STARD5: variants seen among roughly 807,000 people sequenced by gnomAD.
STARD5 encodes StAR related lipid transfer domain containing 5, also known as stAR-related lipid transfer protein 5.
STARD5 carries 26 observed loss-of-function variants against 24.6 expected under a neutral mutation model. That is an observed-to-expected ratio of 1.06 (90% confidence interval 0.77 to 1.47). STARD5 has a LOEUF of 1.47. STARD5 is among the 40% of genes most tolerant of loss of function. The pLI is 0.00. For synonymous variants in STARD5, 101 were observed against 99.7 expected (o/e 1.01, Z -0.07); for missense variants, 254 against 270.8 (o/e 0.94, Z 0.44).
intron 1 of STARD5, 50 bp downstream of exon 1, chr15:81,323,951 G>A (rs1567057264): frequency 6.5e-7 from 1 of 1,541,672 alleles, no homozygotes; most frequent in Non-Finnish European, 8.8e-7. Flanking sequence ...GGGGACCCGG[G>A]CTCCACGAAG....
intron 3 of STARD5, among the ~76,000 whole-genome samples, chr15:81,320,586 G>A (rs951631898): frequency 6.6e-6 from 1 of 152,124 alleles, no homozygotes; most frequent in African/African-American, 2.4e-5. Context: ...TTAGGAGTGC[G>A]GGCGGCAATA....
chr15:81,313,383 A>T lies in STARD5; in HGVS notation c.515T>A (p.Leu172Gln). ...GAGGTCGGTATGGAAGAATGTGACC[A>T]GGTTGGTCTTGGTGGGTTCCCTGTG... is the stretch of plus-strand genomic sequence containing the variant. ...PLPGEPTKTNLVTFFHTDLSG... is the reference protein window; with the variant it reads ...PLPGEPTKTNQVTFFHTDLSG... Residue 172 changes from leucine (L) to glutamine (Q), a missense_variant, in exon 6 of 6, where the codon CTG becomes CAG. Physicochemically the swap from Leu to Gln is moderately radical, Grantham distance 113. Transcript: ENST00000302824. 6.4e-7 allele frequency: 1 copy of T among 1,564,722 alleles called. No individual in the cohort carries two copies. The highest frequency in any genetic ancestry group is 8.7e-7 in the Non-Finnish European group (1 of 1,154,036).
rs1900751626 is a variant in STARD5, at chr15:81,309,655, G to A, written c.*3601C>T. 6.6e-6 allele frequency: 1 copy of A among 152,208 alleles called. No homozygotes were observed. Among genetic ancestry groups the A allele is most frequent in the African/African-American group, 2.4e-5 (1 of 41,424 alleles). The allele number at this position is 152,208 out of a possible 1,614,324, so 9.4% of individuals were successfully genotyped here. A position where few individuals can be genotyped will look rare whatever the true frequency, so the allele number is the denominator to read the frequency against. On this transcript the variant is annotated 3_prime_UTR_variant, in exon 6 of 6. Transcript: ENST00000302824. The stretch of plus-strand genomic sequence containing the variant: ...AGAAGTAATCCTAGGGAAGGGTGGT[G>A]GAGCCAGTAAACAGAGGAGTACAGG...
intron 4 of STARD5, 150 bp from the exon 5 acceptor site, chr15:81,318,652 C>T: frequency 1.5e-6 from 1 of 653,106 alleles, no homozygotes; most frequent in East Asian, 2.7e-5. Context: ...CCCCTACTCC[C>T]ACCCTACTGC....
chr15:81,313,275 A>T lies in STARD5; in HGVS notation c.623T>A (p.Val208Glu). 6.3e-7 allele frequency: 1 copy of T among 1,575,438 alleles called. No individual in the cohort carries two copies. The highest frequency in any genetic ancestry group is 8.6e-7 in the Non-Finnish European group (1 of 1,161,332). Reference protein sequence around the residue: ...TRFYANLQKAVKQFHE With the variant: ...TRFYANLQKAEKQFHE The stretch of plus-strand genomic sequence containing the variant: ...ATAGCATTACTCATGGAATTGCTTC[A>T]CTGCTTTCTGAAGGTTGGCATAAAA... Residue 208 changes from valine (V) to glutamate (E), a missense_variant, in exon 6 of 6, where the codon GTG becomes GAG. By Grantham distance (121) the Val-to-Glu change is moderately radical. Transcript: ENST00000302824.
Position 81,312,895 on chromosome 15 carries a change from G to A in STARD5, c.*361C>T, listed in dbSNP as rs146506417. On this transcript the variant is annotated 3_prime_UTR_variant, in exon 6 of 6. Transcript: ENST00000302824. ...TCTCTATGACAGTCAGGGAAACGTG[G>A]TCTCTGAGAGTGATGGGCACATAAA... 1.4e-4 allele frequency: 22 copies of A among 158,820 alleles called. No individual in the cohort carries two copies. The highest frequency in any genetic ancestry group is 4.8e-4 in the African/African-American group (20 of 41,842). The allele number at this position is 158,820 out of a possible 1,614,324, so 9.8% of individuals were successfully genotyped here. A position where few individuals can be genotyped will look rare whatever the true frequency, so the allele number is the denominator to read the frequency against.
At position 81,313,144 on chromosome 15, in the gene STARD5, T is replaced by C; in HGVS notation, c.*112A>G. ...CTCAGAGATGCGCAGTCCATCAGCTTGTTCCAAAGAGTGAACACAGGCCTC... is the reference window on the plus strand; with the variant it reads ...CTCAGAGATGCGCAGTCCATCAGCTCGTTCCAAAGAGTGAACACAGGCCTC... On this transcript the variant is annotated 3_prime_UTR_variant, in exon 6 of 6. Coordinates refer to ENST00000302824, the MANE Select transcript of STARD5 (RefSeq NM_181900.3). 7.8e-7 allele frequency: 1 copy of C among 1,282,740 alleles called. No individual in the cohort carries two copies. Among genetic ancestry groups the C allele is most frequent in the Middle Eastern group, 2.1e-4 (1 of 4,700 alleles). 79.5% of individuals were successfully genotyped at this position (1,282,740 alleles called of 1,614,324 possible).
intron 1 of STARD5, chr15:81,323,736 C>T: frequency 1.3e-6 from 1 of 775,914 alleles, no homozygotes; most frequent in East Asian, 2.7e-5. Context: ...AACATCCAGT[C>T]CTAAACAGCA....
In STARD5 at chr15:81,323,050, A is replaced by T. The variant is rs542999137; in HGVS notation, c.100-102T>A. 1.5e-5 allele frequency: 19 copies of T among 1,295,988 alleles called. No homozygotes were observed. The East Asian group carries it at 4.6e-4, about 31-fold the overall frequency. 80.3% of individuals were successfully genotyped at this position (1,295,988 alleles called of 1,614,324 possible). On this transcript the variant is annotated intron_variant, in intron 1 of 5. Transcript: ENST00000302824. ...GAAGAGGGGTAAGAGGCCTCAAGAGATACGACTCTCCAAGGCTGTGCAACC... is the reference window on the plus strand; with the variant it reads ...GAAGAGGGGTAAGAGGCCTCAAGAGTTACGACTCTCCAAGGCTGTGCAACC...
rs778475073 is a variant in STARD5, at chr15:81,313,240, A to C, written c.*16T>G. ...GATGAGTCACGGGAGTTCTTTGCCA[A>C]GAAGTAACGATAGCATTACTCATGG... On this transcript the variant is annotated 3_prime_UTR_variant, in exon 6 of 6. Coordinates refer to ENST00000302824, the MANE Select transcript of STARD5 (RefSeq NM_181900.3). The C allele has an allele frequency of 1.3e-6, 2 of 1,531,984 alleles. No homozygotes were observed. The highest frequency in any genetic ancestry group is 2.5e-5 in the South Asian group (2 of 79,488). The allele number at this position is 1,531,984 out of a possible 1,614,324, so 94.9% of individuals were successfully genotyped here.
At position 81,310,212 on chromosome 15, in the gene STARD5, T is replaced by C. The variant is rs1453865617; in HGVS notation, c.*3044A>G. On this transcript the variant is annotated 3_prime_UTR_variant, in exon 6 of 6. Transcript: ENST00000302824. ...AAGGACACAGATGAAACACAAACAA[T>C]AGTAATTCTCAGGCCATCATCAGTG... 6.6e-6 allele frequency: 1 copy of C among 152,266 alleles called. No homozygotes were observed. Among genetic ancestry groups the C allele is most frequent in the Non-Finnish European group, 1.5e-5 (1 of 68,028 alleles). 9.4% of individuals were successfully genotyped at this position (152,266 alleles called of 1,614,324 possible). A position where few individuals can be genotyped will look rare whatever the true frequency, so the allele number is the denominator to read the frequency against.
intron 3 of STARD5, among the ~76,000 whole-genome samples, chr15:81,322,193 GTTT>G (rs1893303020): frequency 6.6e-6 from 1 of 152,232 alleles, no homozygotes; most frequent in Non-Finnish European, 1.5e-5. Context: ...CAGAGACTCT[GTTT>G]GGGGCTTCTC....
chr15:81,313,934 T>C (rs577761337), intron 5 of STARD5: 1 of 152,250 alleles, frequency 6.6e-6, no homozygotes, highest in Non-Finnish European at 1.5e-5. Flanking sequence ...CACAAGCAGG[T>C]ATGAGTTTCT....
In STARD5 at chr15:81,323,294, C is replaced by T. The variant is rs145961703; in HGVS notation, c.100-346G>A. On this transcript the variant is annotated intron_variant, in intron 1 of 5. Transcript: ENST00000302824. ...CTACTCCCATGCTACCCTCTGGCAACGACAAAGAGAGGGGTTCATGCTGTA... is the reference window on the plus strand; with the variant it reads ...CTACTCCCATGCTACCCTCTGGCAATGACAAAGAGAGGGGTTCATGCTGTA... 1,432 of 353,866 alleles carry T rather than the reference C, an allele frequency of 4.0e-3. 3 individuals are homozygous for T. Among genetic ancestry groups the T allele is most frequent in the South Asian group, 6.8e-3 (214 of 31,260 alleles). 21.9% of individuals were successfully genotyped at this position (353,866 alleles called of 1,614,324 possible).
At chr15:81,322,873 A>G (rs765607141) in intron 2 of STARD5, 26 bp downstream of exon 2, 1 of 1,614,018 alleles carries the variant, frequency 6.2e-7, no homozygotes, top group Non-Finnish European at 8.5e-7. Context: ...CACCTCTGGT[A>G]ATCTTTGAAC....
At position 81,313,355 on chromosome 15, in the gene STARD5, G is replaced by A. The variant is rs766106578; in HGVS notation, c.543C>T (p.Ser181=). The change falls in exon 6 of 6, where the codon AGC becomes AGT. Residue 181 remains serine, a synonymous_variant. Coordinates refer to ENST00000302824, the MANE Select transcript of STARD5 (RefSeq NM_181900.3). ...NLVTFFHTDL[S]GYLPQNVVDS... ...CCACCACGTTCTGTGGGAGGTAACCGCTGAGGTCGGTATGGAAGAATGTGA... is the reference window on the plus strand; with the variant it reads ...CCACCACGTTCTGTGGGAGGTAACCACTGAGGTCGGTATGGAAGAATGTGA... 1.1e-5 allele frequency: 17 copies of A among 1,581,506 alleles called. No individual in the cohort carries two copies. The highest frequency in any genetic ancestry group is 2.4e-5 in the South Asian group (2 of 84,792).
Position 81,313,141 on chromosome 15 carries a change from G to T in STARD5, c.*115C>A. The T allele has an allele frequency of 7.9e-7, 1 of 1,259,194 alleles. No homozygotes were observed. Among genetic ancestry groups the T allele is most frequent in the Non-Finnish European group, 1.1e-6 (1 of 944,024 alleles). 78.0% of individuals were successfully genotyped at this position (1,259,194 alleles called of 1,614,324 possible). Reference sequence around the variant, plus strand: ...ATTCTCAGAGATGCGCAGTCCATCAGCTTGTTCCAAAGAGTGAACACAGGC... The same window carrying T: ...ATTCTCAGAGATGCGCAGTCCATCATCTTGTTCCAAAGAGTGAACACAGGC... On this transcript the variant is annotated 3_prime_UTR_variant, in exon 6 of 6. Coordinates refer to ENST00000302824, the MANE Select transcript of STARD5 (RefSeq NM_181900.3).
intron 5 of STARD5, among the ~76,000 whole-genome samples, chr15:81,317,638 C>T (rs929071115): frequency 3.3e-5 from 5 of 152,256 alleles, no homozygotes; most frequent in Admixed American, 1.3e-4. Flanking sequence ...CCCACGACAC[C>T]GAGGCCCACC....
Position 81,322,554 on chromosome 15 carries a change from A to C in STARD5, c.150-14T>G. On this transcript the variant is annotated splice_polypyrimidine_tract_variant and intron_variant, in intron 2 of 5. Coordinates refer to ENST00000302824, the MANE Select transcript of STARD5 (RefSeq NM_181900.3). ...TCTCCTCGGTACCTGGAGCACGAAA[A>C]GGAATTTGACCCCAACGCATCAATC... 1.2e-6 allele frequency: 2 copies of C among 1,614,022 alleles called. No homozygotes were observed. The highest frequency in any genetic ancestry group is 2.2e-5 in the South Asian group (2 of 91,068).
Sources: gnomAD v4.1 joint callset for allele counts (sites outside exome capture counted in the v4.1 genomes callset) on GRCh38, gnomAD v4.1.1 for gene constraint, MANE v1.5 for transcripts, NCBI Gene and HGNC (gene_info 2026-07-23, HGNC 2026-07-21) for gene names.